KIF14: variants seen among roughly 807,000 people sequenced by gnomAD.
KIF14 encodes the protein kinesin family member 14, also known as kinesin-like protein KIF14.
Under a neutral mutation model 176.2 loss-of-function variants are expected in KIF14, and 98 were observed. The ratio of observed to expected loss-of-function variants is 0.56; its 90% CI spans 0.47 to 0.66. The LOEUF (loss-of-function observed/expected upper bound fraction) is 0.66. Among genes scored for constraint, KIF14 ranks in the 30% least tolerant of loss-of-function variants. The pLI, the probability that KIF14 is intolerant of heterozygous loss-of-function variation, is 0.00. For synonymous variants in KIF14, 566 were observed against 632.2 expected, an observed-to-expected ratio of 0.90 and a Z score of 1.57; for missense variants, 1,751 against 1,920.4, an observed-to-expected ratio of 0.91 and a Z score of 1.65.
At position 200,569,204 on chromosome 1, in the gene KIF14, C is replaced by T. The variant is rs1024929846; in HGVS notation, c.3661+707G>A. ...CCTCCCAAAGTGCTAGGATTACAGACGTGAGCTACTGTGCCCAGCCTAGCA... is the reference window on the plus strand; with the variant it reads ...CCTCCCAAAGTGCTAGGATTACAGATGTGAGCTACTGTGCCCAGCCTAGCA... On this transcript the variant is annotated intron_variant, in intron 23 of 29. Transcript: ENST00000367350. 2.0e-5 allele frequency among the ~76,000 whole-genome samples: 3 copies of T among 152,094 alleles called. 1 individual carries two copies. In the South Asian group the frequency reaches 6.2e-4, roughly 31 times the overall value.
At chr1:200,556,616 C>A (rs961627311) in intron 27 of KIF14, among the ~76,000 whole-genome samples, 3 of 152,134 alleles carry the variant, frequency 2.0e-5, no homozygotes, top group Non-Finnish European at 4.4e-5. Context: ...AAAACAATAC[C>A]AAGGCTAACA....
chr1:200,592,211 A>G lies in KIF14; in HGVS notation c.2682T>C (p.His894=), dbSNP rs1404293047. The G allele has an allele frequency of 1.9e-6, 3 of 1,613,760 alleles. No homozygotes were observed. The highest frequency in any genetic ancestry group is 2.5e-6 in the Non-Finnish European group (3 of 1,179,938). Residue 894 remains histidine (H), a synonymous_variant, in exon 16 of 30, where the codon CAT becomes CAC. Coordinates refer to ENST00000367350, the MANE Select transcript of KIF14 (RefSeq NM_014875.3). The stretch of plus-strand genomic sequence containing the variant: ...CTACTGGATGATTAAATCTAAAATA[A>G]TGATCTCCACCAAGAATCACTCGAT... ...HGDRVILGGD[H]YFRFNHPVEV...
intron 23 of KIF14, among the ~76,000 whole-genome samples, chr1:200,566,448 C>G (rs1657457038): frequency 6.6e-6 from 1 of 151,826 alleles, no homozygotes; most frequent in South Asian, 2.1e-4. Flanking sequence ...AAAAAATTAG[C>G]TGGGCGTGGT....
chr1:200,595,660 G>A (rs2102706612), intron 14 of KIF14, among the ~76,000 whole-genome samples: 1 of 152,210 alleles, frequency 6.6e-6, no homozygotes, highest in East Asian at 1.9e-4. Flanking sequence ...CAGATATAAA[G>A]ATTCATGGCC....
At chr1:200,560,278 T>TG (rs902928644) in intron 26 of KIF14, among the ~76,000 whole-genome samples, 3 of 105,648 alleles carry the variant, frequency 2.8e-5, no homozygotes, top group African/African-American at 8.9e-5. Flanking sequence ...TTGGTTTTGT[T>TG]GGGTTTTTTT....
At chr1:200,604,229 C>T (rs1659765298) in intron 8 of KIF14, among the ~76,000 whole-genome samples, 1 of 151,976 alleles carries the variant, frequency 6.6e-6, no homozygotes. Context: ...GCTACACCTG[C>T]TACTTTTTTT....
chr1:200,579,315 G>C (rs1658313724), intron 21 of KIF14, among the ~76,000 whole-genome samples: 1 of 151,008 alleles, frequency 6.6e-6, no homozygotes, highest in South Asian at 2.1e-4. Context: ...TTAAAAAAGA[G>C]TAATAATAAG....
chr1:200,574,221 C>T (rs1657976834), intron 22 of KIF14, among the ~76,000 whole-genome samples: 1 of 152,070 alleles, frequency 6.6e-6, no homozygotes, highest in African/African-American at 2.4e-5. Flanking sequence ...CCTGAAAATC[C>T]CCAGCTCCAT....
At chr1:200,614,529 G>A in intron 3 of KIF14, 124 bp from the exon 4 acceptor site, 1 of 599,426 alleles carries the variant, frequency 1.7e-6, no homozygotes, top group South Asian at 2.2e-5. Flanking sequence ...TAAGAATCTG[G>A]ACTCTGGAGT....
chr1:200,599,284 A>G (rs1365586963), intron 13 of KIF14, among the ~76,000 whole-genome samples: 4 of 152,188 alleles, frequency 2.6e-5, no homozygotes, highest in Non-Finnish European at 5.9e-5. Context: ...TATCTTTCCA[A>G]TTGTATCTCC....
rs1656657741 is a variant in KIF14 at position 200,553,460 on chromosome 1, G to C, written c.4875C>G (p.Val1625=). 2 of 1,614,078 alleles carry C rather than the reference G, an allele frequency of 1.2e-6. No individual in the cohort carries two copies. The highest frequency in any genetic ancestry group is 1.7e-6 in the Non-Finnish European group (2 of 1,180,010). The change falls in exon 30 of 30, where the codon GTC becomes GTG. Residue 1625 remains valine (V), a synonymous_variant. Transcript: ENST00000367350. ...CTGGGGATGAGCCATGGAGCTCATA[G>C]ACACGCTTTGGTACACCTTTATTCT... ...GSKNKGVPKR[V]YELHGSSPAV...
Position 200,554,488 on chromosome 1 carries a change from A to G in KIF14, c.4547T>C (p.Ile1516Thr). The change falls in exon 29 of 30, where the codon ATT becomes ACT. Residue 1516 changes from isoleucine (I) to threonine (T), a missense_variant. By Grantham distance (89) the Ile-to-Thr change is moderately conservative (BLOSUM62 -1). Transcript: ENST00000367350. The part of the protein sequence containing the change: ...LKHCLEKAIE[I>T]IISALKGCHS... Reference sequence around the variant, plus strand: ...CATACCTTTCAGTGCAGAAATAATAATTTCAATAGCTTTCTCTAAGCAATG... The same window carrying G: ...CATACCTTTCAGTGCAGAAATAATAGTTTCAATAGCTTTCTCTAAGCAATG... The G allele has an allele frequency of 6.5e-7, 1 of 1,533,108 alleles. No individual in the cohort carries two copies. Among genetic ancestry groups the G allele is most frequent in the Non-Finnish European group, 9.0e-7 (1 of 1,112,258 alleles). 95.0% of individuals were successfully genotyped at this position (1,533,108 alleles called of 1,614,324 possible).
At chr1:200,590,861 C>T (rs1450480620) in intron 16 of KIF14, among the ~76,000 whole-genome samples, 1 of 151,872 alleles carries the variant, frequency 6.6e-6, no homozygotes, top group African/African-American at 2.4e-5. Flanking sequence ...CCCATCTCTA[C>T]AAAAAAATTC....
chr1:200,560,810 G>A lies in KIF14; in HGVS notation c.4142C>T (p.Ala1381Val), dbSNP rs1389386142. The A allele has an allele frequency of 6.2e-7, 1 of 1,613,968 alleles. No homozygotes were observed. Among genetic ancestry groups the A allele is most frequent in the Admixed American group, 1.7e-5 (1 of 60,014 alleles). The change falls in exon 26 of 30, where the codon GCT (alanine) becomes GTT (valine). Residue 1381 changes from alanine to valine, a missense_variant. Coordinates refer to ENST00000367350, the MANE Select transcript of KIF14 (RefSeq NM_014875.3). ...QKNAIQIVQQ[A>V]VKYVGQLAVL... is the part of the protein sequence containing the mutation. Reference sequence around the variant, plus strand: ...TGCTAACTGCCCCACATACTTTACAGCTTGTTGTACAATTTGGATTGCATT... The same window carrying A: ...TGCTAACTGCCCCACATACTTTACAACTTGTTGTACAATTTGGATTGCATT...
chr1:200,560,774 C>T lies in KIF14; in HGVS notation c.4178G>A (p.Gly1393Glu), dbSNP rs747590666. The change falls in exon 26 of 30, where the codon GGG becomes GAG. Residue 1393 changes from glycine (G) to glutamate (E), a missense_variant. Physicochemically the swap from Gly to Glu is moderately conservative, Grantham distance 98. Coordinates refer to ENST00000367350, the MANE Select transcript of KIF14 (RefSeq NM_014875.3). ...KYVGQLAVLK[G>E]SKLHFLENGN... is the part of the protein sequence containing the mutation. ...GTTTTCTAGAAAATGTAGCTTGCTC[C>T]CTTTCAGAACTGCTAACTGCCCCAC... 5 of 1,614,056 alleles carry T rather than the reference C, an allele frequency of 3.1e-6. No individual in the cohort carries two copies. The highest frequency in any genetic ancestry group is 4.2e-6 in the Non-Finnish European group (5 of 1,180,038).
rs1300201429 is a variant in KIF14 at position 200,580,240 on chromosome 1, A to T, written c.3465+14T>A. ...TTTTAAAAAATTTATAGAGATTTTAATAATATTCCAAACCTCATAAAGTTC... is the reference window on the plus strand; with the variant it reads ...TTTTAAAAAATTTATAGAGATTTTATTAATATTCCAAACCTCATAAAGTTC... On this transcript the variant is annotated intron_variant, in intron 21 of 29. Transcript: ENST00000367350. 7.7e-7 allele frequency: 1 copy of T among 1,298,754 alleles called. No homozygotes were observed. The highest frequency in any genetic ancestry group is 1.5e-5 in the African/African-American group (1 of 65,328). 80.5% of individuals were successfully genotyped at this position (1,298,754 alleles called of 1,614,324 possible). A position where few individuals can be genotyped will look rare whatever the true frequency, so the allele number is the denominator to read the frequency against.
intron 4 of KIF14, among the ~76,000 whole-genome samples, chr1:200,613,669 A>G (rs966585176): frequency 6.6e-6 from 1 of 152,212 alleles, no homozygotes; most frequent in Non-Finnish European, 1.5e-5. Context: ...CAGAACCCCC[A>G]GAAGAGATTT....
intron 27 of KIF14, among the ~76,000 whole-genome samples, chr1:200,557,372 C>T (rs148504168): frequency 1.3e-5 from 2 of 152,248 alleles, no homozygotes; most frequent in South Asian, 2.1e-4. Flanking sequence ...AAAGAGAACA[C>T]GTGCAAGTAA....
At chr1:200,592,058 T>G in intron 16 of KIF14, 22 bp downstream of exon 16, 5 of 1,598,494 alleles carry the variant, frequency 3.1e-6, no homozygotes, top group Non-Finnish European at 4.3e-6. Flanking sequence ...CACTTACTAT[T>G]TCATATCAAC....
Sources: gnomAD v4.1 joint callset for allele counts (sites outside exome capture counted in the v4.1 genomes callset) on GRCh38, gnomAD v4.1.1 for gene constraint, MANE v1.5 for transcripts, NCBI Gene and HGNC (gene_info 2026-07-23, HGNC 2026-07-21) for gene names.